CFAP61: variants seen among roughly 807,000 people sequenced by gnomAD.
The protein encoded by CFAP61 is cilia- and flagella-associated protein 61.
Under a neutral mutation model 135.6 loss-of-function variants are expected in CFAP61, and 107 were observed. That is an observed-to-expected ratio of 0.79 (90% CI 0.67 to 0.93). CFAP61 has a LOEUF of 0.93. Ranked by LOEUF, CFAP61 falls within the 40% of genes least tolerant of loss-of-function variation. CFAP61 has a pLI of 0.00. For missense variants in CFAP61, 1,507 were observed against 1,556.2 expected, an observed-to-expected ratio of 0.97 and a Z score of 0.53; for synonymous variants, 575 against 578.5, an observed-to-expected ratio of 0.99 and a Z score of 0.09.
chr20:20,269,683 G>C (rs956587486), intron 21 of CFAP61, among the ~76,000 whole-genome samples: 5 of 152,116 alleles, frequency 3.3e-5, no homozygotes, highest in Admixed American at 3.3e-4. Context: ...GTTTTTTAAT[G>C]AGTGTTTATT....
At position 20,358,184 on chromosome 20, in the gene CFAP61, G is replaced by A. The variant is rs1221711969; in HGVS notation, c.3514-2026G>A. Among the ~76,000 whole-genome samples the A allele has an allele frequency of 2.1e-5, 3 of 141,940 alleles. 1 individual carries two copies. Among genetic ancestry groups the A allele is most frequent in the Admixed American group, 2.1e-4 (3 of 14,250 alleles). The allele number at this position is 141,940 out of a possible 152,430, so 93.1% of individuals were successfully genotyped here. On this transcript the variant is annotated intron_variant, in intron 26 of 26. Coordinates refer to ENST00000245957, the MANE Select transcript of CFAP61 (RefSeq NM_015585.4). Reference sequence around the variant, plus strand: ...GGAGGTGGTCACACTGAGGGGAAGTGGTCACACTGAGGGGAATGGTCATAC... The same window carrying A: ...GGAGGTGGTCACACTGAGGGGAAGTAGTCACACTGAGGGGAATGGTCATAC...
intron 13 of CFAP61, 73 bp from the exon 14 acceptor site, chr20:20,187,857 C>A: frequency 1.7e-6 from 2 of 1,183,488 alleles, no homozygotes; most frequent in South Asian, 1.3e-5. Flanking sequence ...TGATATATTA[C>A]AATTCTGTCT....
chr20:20,092,232 G>A (rs1346143545), intron 7 of CFAP61, among the ~76,000 whole-genome samples: 2 of 152,178 alleles, frequency 1.3e-5, no homozygotes, highest in African/African-American at 4.8e-5. Context: ...GTTTTCTCAT[G>A]ATTTGATTCA....
intron 8 of CFAP61, among the ~76,000 whole-genome samples, chr20:20,141,998 G>A (rs2051439387): frequency 6.6e-6 from 1 of 152,188 alleles, no homozygotes; most frequent in Non-Finnish European, 1.5e-5. Context: ...GCTGAGAGCA[G>A]ATGTCATGGC....
At position 20,052,585 on chromosome 20, in the gene CFAP61, G is replaced by A. The variant is rs752125657; in HGVS notation, c.-43G>A. On this transcript the variant is annotated 5_prime_UTR_variant, in exon 1 of 27. Coordinates refer to ENST00000245957, the MANE Select transcript of CFAP61 (RefSeq NM_015585.4). ...GTGGAGTGCGGCGTCCTGGAGCTGC[G>A]GATGAGGTGGGTAACGCCGTGCTGA... 31 of 1,613,726 alleles carry A rather than the reference G, an allele frequency of 1.9e-5. No homozygotes were observed. Among genetic ancestry groups the A allele is most frequent in the Non-Finnish European group, 2.5e-5 (30 of 1,179,892 alleles).
At position 20,360,216 on chromosome 20, in the gene CFAP61, G is replaced by GGA. The variant is rs747340517; in HGVS notation, c.3520_3521insGA (p.Asp1174GlyfsTer6). The GGA allele has an allele frequency of 4.2e-4, 671 of 1,613,480 alleles. No individual in the cohort carries two copies. The highest frequency in any genetic ancestry group is 5.5e-4 in the Non-Finnish European group (649 of 1,179,484). Reference sequence around the variant, plus strand: ...CTCTTACTGTGTTTTACAGGAGGAAGATCTTCCTTCCATAGAGCAGTTAGC... The same window carrying GGA: ...CTCTTACTGTGTTTTACAGGAGGAAGGAATCTTCCTTCCATAGAGCAGTTAGC... On this transcript the variant is annotated frameshift_variant, in exon 27 of 27. Coordinates refer to ENST00000245957, the MANE Select transcript of CFAP61 (RefSeq NM_015585.4). LOFTEE classifies it low-confidence loss of function (END_TRUNC).
intron 6 of CFAP61, among the ~76,000 whole-genome samples, chr20:20,076,287 A>G (rs2046044735): frequency 6.6e-6 from 1 of 152,196 alleles, no homozygotes; most frequent in African/African-American, 2.4e-5. Flanking sequence ...CTCTCTCAGG[A>G]TGCTTGCTCT....
Position 20,290,337 on chromosome 20 carries a change from T to C in CFAP61, c.3162T>C (p.Ile1054=). 1.2e-6 allele frequency: 2 copies of C among 1,613,688 alleles called. No homozygotes were observed. The highest frequency in any genetic ancestry group is 1.7e-6 in the Non-Finnish European group (2 of 1,179,536). ...ILPGSYHYLH[I]AKPAIPTPLE... ...CTGGGTCTTACCATTATCTGCATAT[T>C]GCCAAGCCTGCCATTCCAACTCCCT... Residue 1054 remains isoleucine, a synonymous_variant, in exon 24 of 27, where the codon ATT becomes ATC. Transcript: ENST00000245957.
At position 20,238,011 on chromosome 20, in the gene CFAP61, A is replaced by G. The variant is rs566949536; in HGVS notation, c.2061-8106A>G. On this transcript the variant is annotated intron_variant, in intron 18 of 26. Coordinates refer to ENST00000245957, the MANE Select transcript of CFAP61 (RefSeq NM_015585.4). Reference sequence around the variant, plus strand: ...GCTAAGCTTTTTTCACCTCGTGTATATTTAAAATCCTCCAAAATAAAAATT... The same window carrying G: ...GCTAAGCTTTTTTCACCTCGTGTATGTTTAAAATCCTCCAAAATAAAAATT... Among the ~76,000 whole-genome samples, 3 of 152,374 alleles carry G rather than the reference A, an allele frequency of 2.0e-5. No homozygotes were observed. The South Asian group carries it at 6.2e-4, about 32-fold the overall frequency.
chr20:20,103,870 G>A (rs987143583), intron 8 of CFAP61, among the ~76,000 whole-genome samples: 3 of 152,126 alleles, frequency 2.0e-5, no homozygotes, highest in Non-Finnish European at 2.9e-5. Context: ...TTCCACAGCT[G>A]TACTGGCATT....
intron 18 of CFAP61, among the ~76,000 whole-genome samples, chr20:20,245,107 C>T (rs999082355): frequency 5.9e-5 from 9 of 152,160 alleles, no homozygotes; most frequent in Admixed American, 2.0e-4. Flanking sequence ...GAGTTCCAAA[C>T]TTTCCCACAT....
At chr20:20,344,238 G>T (rs1446661816) in intron 26 of CFAP61, among the ~76,000 whole-genome samples, 1 of 152,186 alleles carries the variant, frequency 6.6e-6, no homozygotes, top group Non-Finnish European at 1.5e-5. Flanking sequence ...AGAGAGCTGT[G>T]GGGGAGTAGC....
chr20:20,294,165 G>C (rs1384473766), intron 24 of CFAP61, among the ~76,000 whole-genome samples: 1 of 152,182 alleles, frequency 6.6e-6, no homozygotes, highest in Admixed American at 6.5e-5. Flanking sequence ...TAATCGTCCT[G>C]ACCCCAGAAC....
At chr20:20,333,647 A>G (rs150407361) in intron 25 of CFAP61, among the ~76,000 whole-genome samples, 3 of 152,350 alleles carry the variant, frequency 2.0e-5, no homozygotes, top group African/African-American at 7.2e-5. Context: ...AACATATTCC[A>G]TCTTCTAAGC....
At position 20,056,660 on chromosome 20, in the gene CFAP61, G is replaced by A. The variant is rs747776008; in HGVS notation, c.7G>A (p.Val3Ile). 3.1e-6 allele frequency: 5 copies of A among 1,613,974 alleles called. No homozygotes were observed. In the African/African-American group the frequency reaches 5.3e-5, roughly 17 times the overall value. Residue 3 changes from valine to isoleucine, a missense_variant, in exon 2 of 27, where the codon GTA (valine) becomes ATA (isoleucine). Transcript: ENST00000245957. MS[V>I]LTSPRGKVEV... ...TTTGGGGACAGGATAAAAAATGTCA[G>A]TACTCACTTCTCCAAGAGGAAAGGT...
chr20:20,358,025 T>G (rs1602195825), intron 26 of CFAP61, among the ~76,000 whole-genome samples: 2 of 108,442 alleles, frequency 1.8e-5, no homozygotes, highest in Non-Finnish European at 3.7e-5. Flanking sequence ...TGAGGGGAGG[T>G]GGTCACACTG....
At chr20:20,237,849 C>T (rs1338877486) in intron 18 of CFAP61, among the ~76,000 whole-genome samples, 2 of 152,058 alleles carry the variant, frequency 1.3e-5, no homozygotes, top group Admixed American at 1.3e-4. Flanking sequence ...CTGCACCTTC[C>T]CCGTTTTCTG....
intron 25 of CFAP61, chr20:20,323,410 C>T: frequency 1.8e-6 from 1 of 545,502 alleles, no homozygotes; most frequent in Non-Finnish European, 2.3e-6. Context: ...ATAATAGACC[C>T]ATCTCTTAAA....
At chr20:20,300,600 T>G (rs1601893856) in intron 25 of CFAP61, among the ~76,000 whole-genome samples, 1 of 151,978 alleles carries the variant, frequency 6.6e-6, no homozygotes, top group East Asian at 1.9e-4. Flanking sequence ...GTTCTTTTGT[T>G]TTTTTTGTTT....
Sources: allele counts gnomAD v4.1 joint callset (sites outside exome capture counted in the v4.1 genomes callset), GRCh38; gene constraint gnomAD v4.1.1; transcripts MANE v1.5; gene names NCBI Gene and HGNC (gene_info 2026-07-23, HGNC 2026-07-21).